Variants in SYTL3 observed in about 807,000 individuals in gnomAD.
SYTL3 encodes the protein synaptotagmin like 3.
Under a neutral mutation model 82.1 loss-of-function variants are expected in SYTL3, and 88 were observed. The observed-to-expected ratio is 1.07, with a 90% CI of 0.90 to 1.28. The LOEUF (loss-of-function observed/expected upper bound fraction) is 1.28. SYTL3 is among the 50% of genes most tolerant of loss of function. The pLI is 0.00. For missense variants in SYTL3, 831 were observed against 757.6 expected, an observed-to-expected ratio of 1.10 and a Z score of -1.14; for synonymous variants, 311 against 289.4, an observed-to-expected ratio of 1.07 and a Z score of -0.76.
chr6:158,706,325 C>G (rs930764086), intron 6 of SYTL3, among the ~76,000 whole-genome samples: 1 of 152,190 alleles, frequency 6.6e-6, no homozygotes, highest in Non-Finnish European at 1.5e-5. Context: ...GTGTTGAGAG[C>G]TTAACATCAC....
intron 6 of SYTL3, among the ~76,000 whole-genome samples, chr6:158,706,586 C>G (rs570387522): frequency 1.4e-4 from 21 of 152,170 alleles, no homozygotes; most frequent in African/African-American, 5.1e-4. Flanking sequence ...TTCCCAGCCC[C>G]CTGCTGGACG....
intron 10 of SYTL3, 38 bp downstream of exon 10, chr6:158,718,249 T>G (rs1334169222): frequency 1.4e-6 from 2 of 1,416,172 alleles, no homozygotes; most frequent in Non-Finnish European, 1.9e-6. Flanking sequence ...GCTGATCACC[T>G]TCATGTTGTC....
intron 6 of SYTL3, among the ~76,000 whole-genome samples, chr6:158,684,640 G>T (rs1779094578): frequency 6.6e-6 from 1 of 152,132 alleles, no homozygotes; most frequent in Non-Finnish European, 1.5e-5. Flanking sequence ...TAGAAAAAGT[G>T]GCAATTTGCA....
At chr6:158,736,081 G>A (rs1203574308) in intron 11 of SYTL3, among the ~76,000 whole-genome samples, 2 of 152,170 alleles carry the variant, frequency 1.3e-5, no homozygotes, top group African/African-American at 4.8e-5. Flanking sequence ...GGCCGGGCGC[G>A]GTGTCTCACG....
rs776365292 is a variant in SYTL3, at chr6:158,745,748, A to AT, written c.1034+92dup. The AT allele has an allele frequency of 2.4e-5, 24 of 985,514 alleles. 1 individual carries two copies. Among genetic ancestry groups the AT allele is most frequent in the Admixed American group, 1.0e-4 (3 of 28,950 alleles). 61.0% of individuals were successfully genotyped at this position (985,514 alleles called of 1,614,324 possible). ...AAGTCTAAGAATAACCAAGACAATTATTAAAAAAAAAAACAAAATGAAAAG... is the reference window on the plus strand; with the variant it reads ...AAGTCTAAGAATAACCAAGACAATTATTTAAAAAAAAAAACAAAATGAAAAG... On this transcript the variant is annotated intron_variant, in intron 12 of 17. Coordinates refer to ENST00000611299, the MANE Select transcript of SYTL3 (RefSeq NM_001242394.2).
At chr6:158,687,761 G>T (rs1779447485) in intron 6 of SYTL3, among the ~76,000 whole-genome samples, 1 of 136,752 alleles carries the variant, frequency 7.3e-6, no homozygotes, top group African/African-American at 3.6e-5. Context: ...TTCCCCCTTG[G>T]TCCATCTTCT....
At chr6:158,688,452 T>A (rs1277338257) in intron 6 of SYTL3, among the ~76,000 whole-genome samples, 1 of 152,158 alleles carries the variant, frequency 6.6e-6, no homozygotes, top group Non-Finnish European at 1.5e-5. Context: ...GAAGCATGAT[T>A]TCAAATTACA....
At chr6:158,763,549 G>A in intron 17 of SYTL3, 40 bp downstream of exon 17, 1 of 1,562,906 alleles carries the variant, frequency 6.4e-7, no homozygotes, top group Non-Finnish European at 8.8e-7. Context: ...TATACTTTGT[G>A]ATTATCCTAA....
intron 9 of SYTL3, among the ~76,000 whole-genome samples, chr6:158,717,579 T>C (rs1453157568): frequency 2.0e-5 from 3 of 152,108 alleles, no homozygotes; most frequent in Admixed American, 6.6e-5. Context: ...ATGAAACAAA[T>C]TTGTTTACAG....
At chr6:158,687,764 C>T (rs76044599) in intron 6 of SYTL3, among the ~76,000 whole-genome samples, 1 of 138,396 alleles carries the variant, frequency 7.2e-6, no homozygotes, top group African/African-American at 3.4e-5. Context: ...CCCCTTGGTC[C>T]ATCTTCTATT....
rs542831713 is a variant in SYTL3, at chr6:158,656,411, A to G, written c.-637+4569A>G. Among the ~76,000 whole-genome samples, 5 of 152,098 alleles carry G rather than the reference A, an allele frequency of 3.3e-5. No homozygotes were observed. In the South Asian group the frequency reaches 1.0e-3, roughly 32 times the overall value. On this transcript the variant is annotated intron_variant, in intron 2 of 17. Transcript: ENST00000611299. ...GACCCCTGTGACAACTATTCCTGTT[A>G]CCTGCTTTGTGAGTGTTAAAAATGT...
Position 158,762,201 on chromosome 6 carries a change from T to C in SYTL3, c.1517+23T>C, listed in dbSNP as rs759674885. ...GGGGTAGGTATTCGATGTAATCAAA[T>C]ATTTATTGGTGATCTAGTATACATC... On this transcript the variant is annotated intron_variant, in intron 16 of 17. Coordinates refer to ENST00000611299, the MANE Select transcript of SYTL3 (RefSeq NM_001242394.2). 6.5e-6 allele frequency: 10 copies of C among 1,547,616 alleles called. No homozygotes were observed. In the South Asian group the frequency reaches 1.1e-4, roughly 17 times the overall value.
intron 13 of SYTL3, 89 bp downstream of exon 13, chr6:158,752,119 C>T: frequency 2.5e-6 from 2 of 791,652 alleles, no homozygotes; most frequent in Middle Eastern, 2.3e-4. Flanking sequence ...TGCTTTCAAA[C>T]TCTTGACTCA....
chr6:158,750,329 T>A (rs1788239654), intron 12 of SYTL3, among the ~76,000 whole-genome samples: 1 of 152,166 alleles, frequency 6.6e-6, no homozygotes, highest in South Asian at 2.1e-4. Flanking sequence ...AAGTCACTGG[T>A]TATGTTCTGT....
rs763215370 is a variant in SYTL3, at chr6:158,761,463, C to A, written c.1415-613C>A. On this transcript the variant is annotated intron_variant, in intron 15 of 17. Transcript: ENST00000611299. ...GACTACAGGCACCTGCCACCATGCCCGGCTAATTTTTTGTTTTTTTTCTTT... is the reference window on the plus strand; with the variant it reads ...GACTACAGGCACCTGCCACCATGCCAGGCTAATTTTTTGTTTTTTTTCTTT... 4.6e-5 allele frequency among the ~76,000 whole-genome samples: 7 copies of A among 151,838 alleles called. No homozygotes were observed. In the South Asian group the frequency reaches 1.0e-3, roughly 23 times the overall value.
chr6:158,709,622 CATT>C lies in SYTL3; in HGVS notation c.516+1235_516+1237del, dbSNP rs1029537124. On this transcript the variant is annotated intron_variant, in intron 8 of 17. Transcript: ENST00000611299. ...GGAAATATATTGTCTTGGTTATCTT[CATT>C]ATTCTATAAATTAAAGGGGGCAGGT... Among the ~76,000 whole-genome samples the C allele has an allele frequency of 2.0e-5, 3 of 152,182 alleles. No individual in the cohort carries two copies. The East Asian group carries it at 5.8e-4, about 29-fold the overall frequency.
At chr6:158,675,370 G>T (rs906546241) in intron 5 of SYTL3, among the ~76,000 whole-genome samples, 1 of 152,262 alleles carries the variant, frequency 6.6e-6, no homozygotes, top group East Asian at 1.9e-4. Flanking sequence ...TCTTCATCTT[G>T]ATTCTCTGAC....
At chr6:158,667,100 A>T (rs2128373099) in intron 5 of SYTL3, among the ~76,000 whole-genome samples, 1 of 152,344 alleles carries the variant, frequency 6.6e-6, no homozygotes, top group African/African-American at 2.4e-5. Context: ...TATATATTTG[A>T]AGTCTAATAA....
rs765177848 is a variant in SYTL3 at position 158,764,821 on chromosome 6, CTT to C, written c.*219_*220del. On this transcript the variant is annotated 3_prime_UTR_variant, in exon 18 of 18. Coordinates refer to ENST00000611299, the MANE Select transcript of SYTL3 (RefSeq NM_001242394.2). ...CTAAGCCTCTGGTGGGTTATCTCCT[CTT>C]TGAGATGTAGAAAATGGCCAGATTT... 1.9e-5 allele frequency: 8 copies of C among 430,444 alleles called. No individual in the cohort carries two copies. The highest frequency in any genetic ancestry group is 2.9e-5 in the Non-Finnish European group (7 of 241,226). 26.7% of individuals were successfully genotyped at this position (430,444 alleles called of 1,614,324 possible).
Sources: allele counts gnomAD v4.1 joint callset (sites outside exome capture counted in the v4.1 genomes callset), GRCh38; gene constraint gnomAD v4.1.1; transcripts MANE v1.5; gene names NCBI Gene and HGNC (gene_info 2026-07-23, HGNC 2026-07-21).